PKIB: variants seen among roughly 807,000 people sequenced by gnomAD.
The protein encoded by PKIB is PKI-beta.
Under a neutral mutation model 4.5 loss-of-function variants are expected in PKIB, and 2 were observed. The observed-to-expected ratio is 0.44, with a 90% CI of 0.18 to 1.39. The LOEUF is 1.39. PKIB is among the 40% of genes most tolerant of loss of function. The pLI is 0.27. For missense variants in PKIB, 94 were observed against 92.6 expected (o/e 1.02, Z -0.06); for synonymous variants, 38 against 36.0 (o/e 1.06, Z -0.20).
chr6:122,495,848 G>A (rs796657755), intron 2 of PKIB, among the ~76,000 whole-genome samples: 1 of 152,110 alleles, frequency 6.6e-6, no homozygotes, highest in Admixed American at 6.5e-5. Flanking sequence ...GGTGAAACAG[G>A]TGTTTCCCAT....
intron 2 of PKIB, among the ~76,000 whole-genome samples, chr6:122,563,091 G>C (rs1044217137): frequency 6.6e-6 from 1 of 151,778 alleles, no homozygotes; most frequent in Non-Finnish European, 1.5e-5. Context: ...ATTTAGGTAG[G>C]CTCTGTCACA....
rs539231415 is a variant in PKIB, at chr6:122,510,448, G to A, written c.-248+32509G>A. 1.0e-3 allele frequency among the ~76,000 whole-genome samples: 158 copies of A among 152,136 alleles called. 1 individual carries two copies. The highest frequency in any genetic ancestry group is 1.9e-3 in the Non-Finnish European group (126 of 68,024). ...TAGGTTTTTTGTTATTAACGGCAGG[G>A]ATGATAATGGTAAATTTTTCAAAAC... On this transcript the variant is annotated intron_variant, in intron 2 of 6. Transcript: ENST00000392491.
chr6:122,565,869 A>G (rs542207093), intron 2 of PKIB, among the ~76,000 whole-genome samples: 1 of 152,336 alleles, frequency 6.6e-6, no homozygotes, highest in African/African-American at 2.4e-5. Flanking sequence ...GCATGGCCAG[A>G]TCTGAATTTG....
chr6:122,691,077 G>A (rs1472103545), intron 3 of PKIB, among the ~76,000 whole-genome samples: 1 of 151,568 alleles, frequency 6.6e-6, no homozygotes, highest in Non-Finnish European at 1.5e-5. Flanking sequence ...TCCATTATAT[G>A]TTATTTGTTT....
intron 2 of PKIB, among the ~76,000 whole-genome samples, chr6:122,649,936 A>G (rs2114874882): frequency 6.6e-6 from 1 of 152,312 alleles, no homozygotes; most frequent in African/African-American, 2.4e-5. Context: ...GATGAATCAT[A>G]TGTTCCAAAT....
At chr6:122,582,102 T>G (rs1317370491) in intron 2 of PKIB, among the ~76,000 whole-genome samples, 2 of 152,068 alleles carry the variant, frequency 1.3e-5, no homozygotes, top group East Asian at 3.8e-4. Flanking sequence ...TGATGATAGA[T>G]GAGGACTTTG....
At chr6:122,535,344 T>C (rs896714332) in intron 2 of PKIB, among the ~76,000 whole-genome samples, 9 of 152,182 alleles carry the variant, frequency 5.9e-5, no homozygotes, top group African/African-American at 1.7e-4. Context: ...CTTTCTTCCC[T>C]AAAAAAGGTT....
chr6:122,508,755 AT>A (rs879740602), intron 2 of PKIB, among the ~76,000 whole-genome samples: 39 of 147,132 alleles, frequency 2.7e-4, no homozygotes, highest in Non-Finnish European at 3.2e-4. Flanking sequence ...GCTGATTAAA[AT>A]TTTTTTTTTT....
At chr6:122,617,578 C>T (rs1002423277) in intron 1 of PKIB, among the ~76,000 whole-genome samples, 1 of 152,142 alleles carries the variant, frequency 6.6e-6, no homozygotes, top group African/African-American at 2.4e-5. Flanking sequence ...TTTTTACCAA[C>T]TCTTTAAAAA....
At chr6:122,530,941 A>G (rs1447709823) in intron 2 of PKIB, among the ~76,000 whole-genome samples, 1 of 152,162 alleles carries the variant, frequency 6.6e-6, no homozygotes, top group African/African-American at 2.4e-5. Flanking sequence ...TGGTTTTACA[A>G]TGGCTTACTT....
intron 2 of PKIB, among the ~76,000 whole-genome samples, chr6:122,636,086 T>G (rs940243323): frequency 1.4e-4 from 22 of 152,256 alleles, no homozygotes; most frequent in African/African-American, 5.3e-4. Flanking sequence ...CTAGGAGATA[T>G]GGACTACTAT....
intron 2 of PKIB, among the ~76,000 whole-genome samples, chr6:122,584,886 A>T (rs1773806542): frequency 6.6e-6 from 1 of 152,070 alleles, no homozygotes; most frequent in Non-Finnish European, 1.5e-5. Flanking sequence ...TGGGGCAGAA[A>T]CATCTCTCCA....
intron 3 of PKIB, among the ~76,000 whole-genome samples, chr6:122,688,737 A>G (rs183783447): frequency 4.0e-5 from 6 of 151,432 alleles, no homozygotes; most frequent in African/African-American, 1.5e-4. Context: ...TAGATTTTCC[A>G]ATTTATTCCA....
chr6:122,599,200 A>G (rs1206000397), intron 3 of PKIB, among the ~76,000 whole-genome samples: 1 of 152,124 alleles, frequency 6.6e-6, no homozygotes, highest in East Asian at 1.9e-4. Context: ...CTCCTCAGAC[A>G]GAGGTGGAAA....
intron 1 of PKIB, among the ~76,000 whole-genome samples, chr6:122,632,861 A>G (rs1775755588): frequency 6.8e-6 from 1 of 147,866 alleles, no homozygotes; most frequent in Non-Finnish European, 1.5e-5. Flanking sequence ...TCTATTTTCA[A>G]TGGAAATTTG....
chr6:122,688,967 G>T (rs187610851), intron 3 of PKIB, among the ~76,000 whole-genome samples: 1 of 151,906 alleles, frequency 6.6e-6, no homozygotes, highest in African/African-American at 2.4e-5. Context: ...ATTTTTAGTA[G>T]AGACGGGGTT....
At chr6:122,616,918 G>C (rs2114777005) in intron 1 of PKIB, among the ~76,000 whole-genome samples, 1 of 152,300 alleles carries the variant, frequency 6.6e-6, no homozygotes, top group South Asian at 2.1e-4. Flanking sequence ...TAGGCAAAGA[G>C]AGTATCTATT....
At chr6:122,515,076 A>G (rs1298439460) in intron 2 of PKIB, among the ~76,000 whole-genome samples, 4 of 152,214 alleles carry the variant, frequency 2.6e-5, no homozygotes, top group African/African-American at 7.2e-5. Flanking sequence ...GTAGTTTCTT[A>G]TAAATTCATA....
chr6:122,613,585 G>T (rs1000481444), intron 1 of PKIB, among the ~76,000 whole-genome samples: 4 of 152,084 alleles, frequency 2.6e-5, no homozygotes, highest in Admixed American at 1.3e-4. Flanking sequence ...ACCAGGTAGT[G>T]ACATTACATG....
Sources: gnomAD v4.1 joint callset for allele counts (sites outside exome capture counted in the v4.1 genomes callset) on GRCh38, gnomAD v4.1.1 for gene constraint, MANE v1.5 for transcripts, NCBI Gene and HGNC (gene_info 2026-07-23, HGNC 2026-07-21) for gene names.